Variants in KAT2B observed in about 807,000 individuals in gnomAD.
KAT2B encodes the protein histone acetyltransferase KAT2B.
A neutral mutation model predicts 105.9 loss-of-function variants in KAT2B; 36 were observed. That is an observed-to-expected ratio of 0.34 (90% CI 0.26 to 0.45). KAT2B has a LOEUF of 0.45. Ranked by LOEUF, KAT2B falls within the 20% of genes least tolerant of loss-of-function variation. The pLI, the probability that KAT2B is intolerant of heterozygous loss-of-function variation, is 1.00. For synonymous variants in KAT2B, 397 were observed against 377.9 expected, an observed-to-expected ratio of 1.05 and a Z score of -0.59; for missense variants, 820 against 1,021.6, an observed-to-expected ratio of 0.80 and a Z score of 2.69.
At chr3:20,048,738 C>G (rs374263282) in intron 1 of KAT2B, among the ~76,000 whole-genome samples, 1 of 152,176 alleles carries the variant, frequency 6.6e-6, no homozygotes, top group Non-Finnish European at 1.5e-5. Context: ...CCTACTCTTG[C>G]ATGCTGCTTT....
At chr3:20,065,763 G>A (rs182840536) in intron 1 of KAT2B, among the ~76,000 whole-genome samples, 5 of 152,066 alleles carry the variant, frequency 3.3e-5, no homozygotes, top group African/African-American at 9.6e-5. Context: ...ATATCAATAG[G>A]GTATAACTTT....
In KAT2B at chr3:20,152,597, A is replaced by G. The variant is rs1699888520; in HGVS notation, c.*72A>G. The stretch of plus-strand genomic sequence containing the variant: ...AAAGCAAGGTGGTTTAGTTTTTTAC[A>G]AAGAATTGGACATGATGTATTGAAG... On this transcript the variant is annotated 3_prime_UTR_variant, in exon 18 of 18. Coordinates refer to ENST00000263754, the MANE Select transcript of KAT2B (RefSeq NM_003884.5). 6 of 1,235,960 alleles carry G rather than the reference A, an allele frequency of 4.9e-6. No individual in the cohort carries two copies. In the East Asian group the frequency reaches 1.2e-4, roughly 24 times the overall value. 76.6% of individuals were successfully genotyped at this position (1,235,960 alleles called of 1,614,324 possible). A position where few individuals can be genotyped will look rare whatever the true frequency, so the allele number is the denominator to read the frequency against.
chr3:20,093,185 G>A (rs1698752941), intron 2 of KAT2B, among the ~76,000 whole-genome samples: 1 of 152,172 alleles, frequency 6.6e-6, no homozygotes, highest in Non-Finnish European at 1.5e-5. Flanking sequence ...GTTTATTTGG[G>A]TTGAGAGTAG....
intron 17 of KAT2B, among the ~76,000 whole-genome samples, chr3:20,150,076 T>C (rs902061257): frequency 1.3e-5 from 2 of 152,146 alleles, no homozygotes; most frequent in Admixed American, 1.3e-4. Flanking sequence ...CCCGTGAAGG[T>C]TGTGAACTTC....
At chr3:20,151,453 T>TC (rs1553600567) in intron 17 of KAT2B, among the ~76,000 whole-genome samples, 36 of 151,950 alleles carry the variant, frequency 2.4e-4, no homozygotes, top group African/African-American at 5.5e-4. Flanking sequence ...GTTTTTTTTT[T>TC]CCCATTTGAC....
At chr3:20,111,885 A>G in intron 6 of KAT2B, 98 bp downstream of exon 6, 7 of 946,628 alleles carry the variant, frequency 7.4e-6, no homozygotes, top group Non-Finnish European at 1.1e-5. Flanking sequence ...CGGAAATGAC[A>G]GAAGAAACAT....
intron 2 of KAT2B, among the ~76,000 whole-genome samples, chr3:20,085,881 AT>A: frequency 6.6e-6 from 1 of 152,228 alleles, no homozygotes; most frequent in South Asian, 2.1e-4. Context: ...TTCTTTTTCT[AT>A]TTGATAATGT....
At position 20,093,966 on chromosome 3, in the gene KAT2B, A is replaced by G. The variant is rs537012008; in HGVS notation, c.431-1297A>G. On this transcript the variant is annotated intron_variant, in intron 2 of 17. Coordinates refer to ENST00000263754, the MANE Select transcript of KAT2B (RefSeq NM_003884.5). ...GGGACTTGAAGTGAATCATTTAGTC[A>G]ACAAAAATATGTTTGTAGGTGCTTT... Among the ~76,000 whole-genome samples the G allele has an allele frequency of 2.6e-5, 4 of 152,316 alleles. No individual in the cohort carries two copies. In the South Asian group the frequency reaches 8.3e-4, roughly 32 times the overall value.
intron 1 of KAT2B, among the ~76,000 whole-genome samples, chr3:20,065,346 A>G (rs1303579470): frequency 1.3e-5 from 2 of 152,158 alleles, no homozygotes; most frequent in Admixed American, 6.5e-5. Context: ...TTAAAGCTGC[A>G]AGGCCAACTC....
At chr3:20,102,378 A>T (rs1031122309) in intron 5 of KAT2B, among the ~76,000 whole-genome samples, 1 of 152,148 alleles carries the variant, frequency 6.6e-6, no homozygotes, top group Non-Finnish European at 1.5e-5. Flanking sequence ...CATTATACAT[A>T]TTATCTTCCA....
chr3:20,124,765 C>G (rs1699369753), intron 9 of KAT2B, among the ~76,000 whole-genome samples: 1 of 152,072 alleles, frequency 6.6e-6, no homozygotes, highest in African/African-American at 2.4e-5. Flanking sequence ...CTGGTTGTTC[C>G]ATATGTTGGT....
chr3:20,140,387 T>TA (rs1466229869), intron 13 of KAT2B, 23 bp downstream of exon 13: 16 of 1,612,304 alleles, frequency 9.9e-6, no homozygotes, highest in African/African-American at 4.0e-5. Flanking sequence ...TTGACTCCCT[T>TA]ACCTTCTGTA....
intron 2 of KAT2B, among the ~76,000 whole-genome samples, chr3:20,083,469 G>T (rs2125188746): frequency 6.6e-6 from 1 of 152,292 alleles, no homozygotes; most frequent in South Asian, 2.1e-4. Context: ...GTTAGAGTGA[G>T]GTTCACCTGG....
chr3:20,144,075 G>A (rs925697356), intron 13 of KAT2B, among the ~76,000 whole-genome samples: 6 of 152,042 alleles, frequency 3.9e-5, no homozygotes, highest in Non-Finnish European at 7.4e-5. Flanking sequence ...GAGGTACAGA[G>A]AGCTTAGGAC....
At chr3:20,103,780 T>C (rs1403241072) in intron 5 of KAT2B, among the ~76,000 whole-genome samples, 1 of 152,240 alleles carries the variant, frequency 6.6e-6, no homozygotes, top group Non-Finnish European at 1.5e-5. Context: ...GTGGCACTTA[T>C]GAATACTTAA....
rs766116877 is a variant in KAT2B at position 20,040,690 on chromosome 3, C to G, written c.213C>G (p.Gly71=). The G allele has an allele frequency of 7.6e-6, 12 of 1,573,384 alleles. No homozygotes were observed. The highest frequency in any genetic ancestry group is 9.4e-6 in the Non-Finnish European group (11 of 1,164,808). The change falls in exon 1 of 18, where the codon GGC becomes GGG. Residue 71 remains glycine (G), a synonymous_variant. Transcript: ENST00000263754. Reference sequence around the variant, plus strand: ...CGGCCGAAGGACCGGGAGGCGGTGGCTCGGCCCGAATCGCCGTGAAGAAAG... The same window carrying G: ...CGGCCGAAGGACCGGGAGGCGGTGGGTCGGCCCGAATCGCCGTGAAGAAAG... ...AGTAEGPGGG[G]SARIAVKKAQ...
intron 1 of KAT2B, among the ~76,000 whole-genome samples, chr3:20,047,499 C>T (rs938218687): frequency 2.0e-5 from 3 of 152,112 alleles, no homozygotes; most frequent in Non-Finnish European, 4.4e-5. Context: ...AACTTGCCCA[C>T]TGTAACTATG....
intron 1 of KAT2B, among the ~76,000 whole-genome samples, chr3:20,058,765 G>C (rs1698045782): frequency 6.6e-6 from 1 of 152,134 alleles, no homozygotes; most frequent in African/African-American, 2.4e-5. Context: ...TTGTGTCCCA[G>C]GGAAGGATTA....
At position 20,062,141 on chromosome 3, in the gene KAT2B, A is replaced by AAAAC. The variant is rs1559514170; in HGVS notation, c.304-10191_304-10190insAACA. ...TAAAACATATATATATAAAATATAT[A>AAAAC]ATATATAAAAATATATAATATATAA... On this transcript the variant is annotated intron_variant, in intron 1 of 17. Transcript: ENST00000263754. 5.9e-4 allele frequency among the ~76,000 whole-genome samples: 55 copies of AAAAC among 92,662 alleles called. 4 individuals carry two copies. Among genetic ancestry groups the AAAAC allele is most frequent in the African/African-American group, 2.4e-3 (54 of 22,132 alleles). The allele number at this position is 92,662 out of a possible 152,430, so 60.8% of individuals were successfully genotyped here.
Sources: allele counts gnomAD v4.1 joint callset (sites outside exome capture counted in the v4.1 genomes callset), GRCh38; gene constraint gnomAD v4.1.1; transcripts MANE v1.5; gene names NCBI Gene and HGNC (gene_info 2026-07-23, HGNC 2026-07-21).